Variants in PTPRT observed in about 807,000 individuals in gnomAD.
PTPRT encodes protein tyrosine phosphatase receptor type T, also known as receptor-type tyrosine-protein phosphatase T.
A neutral mutation model predicts 176.8 loss-of-function variants in PTPRT; 56 were observed. The observed-to-expected ratio is 0.32, with a 90% confidence interval of 0.26 to 0.40. The LOEUF is 0.40. PTPRT is among the 10% of genes least tolerant of loss of function. The pLI, the probability that PTPRT is intolerant of heterozygous loss-of-function variation, is 1.00. For synonymous variants in PTPRT, 783 were observed against 739.0 expected (o/e 1.06, Z -0.96); for missense variants, 1,540 against 1,908.2 (o/e 0.81, Z 3.60).
At chr20:42,088,498 G>C (rs534744749) in intron 27 of PTPRT, among the ~76,000 whole-genome samples, 30 of 149,682 alleles carry the variant, frequency 2.0e-4, no homozygotes, top group African/African-American at 7.2e-4. Context: ...GAGCAGGAAG[G>C]ATGTAGGAGA....
chr20:42,534,615 G>A lies in PTPRT; in HGVS notation c.1154-62053C>T, dbSNP rs541434878. 3.9e-5 allele frequency among the ~76,000 whole-genome samples: 6 copies of A among 152,184 alleles called. No homozygotes were observed. The South Asian group carries it at 1.2e-3, about 32-fold the overall frequency. On this transcript the variant is annotated intron_variant, in intron 7 of 30. Coordinates refer to ENST00000373187, the MANE Select transcript of PTPRT (RefSeq NM_007050.6). The stretch of plus-strand genomic sequence containing the variant: ...CACGCCACTGCACTCCAGCCTGGGC[G>A]ACAGAGCGAGACTCCATCTCAAAAA...
chr20:42,178,161 C>A (rs1990371637), intron 16 of PTPRT, among the ~76,000 whole-genome samples: 2 of 152,116 alleles, frequency 1.3e-5, no homozygotes, highest in African/African-American at 4.8e-5. Flanking sequence ...TGTTCTCGAA[C>A]TCCTGACCTT....
rs200498472 is a variant in PTPRT, at chr20:42,084,642, C to T, written c.4136+40G>A. 21 of 1,377,262 alleles carry T rather than the reference C, an allele frequency of 1.5e-5. No homozygotes were observed. In the East Asian group the frequency reaches 4.8e-4, roughly 31 times the overall value. 85.3% of individuals were successfully genotyped at this position (1,377,262 alleles called of 1,614,324 possible). On this transcript the variant is annotated intron_variant, in intron 29 of 30. Transcript: ENST00000373187. ...GCATCTGCAAGGATGCTCTATCACC[C>T]ACCACCCTATTGCCCTGGTGACACC...
At chr20:42,092,313 G>C (rs2425470) in intron 27 of PTPRT, among the ~76,000 whole-genome samples, 1 of 152,058 alleles carries the variant, frequency 6.6e-6, no homozygotes. Flanking sequence ...AACATGAGAA[G>C]ACAACCCCCT....
chr20:42,885,163 ATATAT>A (rs1451241331), intron 2 of PTPRT, among the ~76,000 whole-genome samples: 13 of 144,924 alleles, frequency 9.0e-5, no homozygotes, highest in Non-Finnish European at 1.4e-4. Context: ...TATAATAATA[ATATAT>A]TATATAATAA....
chr20:42,124,961 A>C (rs1987780894), intron 19 of PTPRT, among the ~76,000 whole-genome samples: 1 of 151,948 alleles, frequency 6.6e-6, no homozygotes, highest in African/African-American at 2.4e-5. Flanking sequence ...AAAAGCAGGA[A>C]CTCAGAGGCC....
At chr20:42,288,440 A>G (rs900912900) in intron 12 of PTPRT, among the ~76,000 whole-genome samples, 1 of 151,948 alleles carries the variant, frequency 6.6e-6, no homozygotes, top group Non-Finnish European at 1.5e-5. Flanking sequence ...TAGGGCTTCT[A>G]TTGAACCCAT....
intron 7 of PTPRT, among the ~76,000 whole-genome samples, chr20:42,547,177 C>T (rs937457140): frequency 2.0e-5 from 3 of 152,126 alleles, no homozygotes; most frequent in Non-Finnish European, 4.4e-5. Flanking sequence ...AGAACTCTAA[C>T]ACTTATTTAG....
intron 13 of PTPRT, among the ~76,000 whole-genome samples, chr20:42,281,736 A>G (rs2057142302): frequency 6.6e-6 from 1 of 152,182 alleles, no homozygotes; most frequent in East Asian, 1.9e-4. Context: ...ACAGAGTAGA[A>G]TTGCCCAGTT....
At chr20:43,071,781 A>T (rs188941573) in intron 1 of PTPRT, among the ~76,000 whole-genome samples, 2 of 152,200 alleles carry the variant, frequency 1.3e-5, no homozygotes, top group African/African-American at 4.8e-5. Context: ...GCAAAACTCC[A>T]TCTCAAATAA....
At chr20:42,980,407 C>T (rs981031015) in intron 1 of PTPRT, among the ~76,000 whole-genome samples, 21 of 152,190 alleles carry the variant, frequency 1.4e-4, no homozygotes, top group African/African-American at 5.1e-4. Flanking sequence ...ATTCGTGACC[C>T]CTTCTTGCTC....
intron 7 of PTPRT, among the ~76,000 whole-genome samples, chr20:42,657,832 T>G (rs756273388): frequency 7.9e-5 from 12 of 152,162 alleles, no homozygotes; most frequent in African/African-American, 2.4e-4. Flanking sequence ...TACCTTTGAA[T>G]TTTCCTCTGT....
intron 16 of PTPRT, among the ~76,000 whole-genome samples, chr20:42,173,239 G>A (rs1990150864): frequency 6.6e-6 from 1 of 152,148 alleles, no homozygotes; most frequent in Non-Finnish European, 1.5e-5. Context: ...AAGAGCTGAG[G>A]CAGAGTTAGG....
At chr20:43,090,452 T>C (rs190332344) in intron 1 of PTPRT, among the ~76,000 whole-genome samples, 25 of 152,164 alleles carry the variant, frequency 1.6e-4, no homozygotes, top group Admixed American at 1.2e-3. Context: ...GTATTTTTAG[T>C]AGAGACAGGG....
chr20:42,771,795 T>C (rs2077067302), intron 4 of PTPRT, among the ~76,000 whole-genome samples: 1 of 152,104 alleles, frequency 6.6e-6, no homozygotes, highest in African/African-American at 2.4e-5. Flanking sequence ...ATTTCACAGA[T>C]CAGAAAATTA....
At chr20:42,648,730 T>C (rs531837460) in intron 7 of PTPRT, among the ~76,000 whole-genome samples, 55 of 151,848 alleles carry the variant, frequency 3.6e-4, no homozygotes, top group African/African-American at 1.0e-3. Flanking sequence ...GGGCACATCC[T>C]GTATCAGTCC....
At chr20:42,199,973 T>C (rs1991385194) in intron 15 of PTPRT, among the ~76,000 whole-genome samples, 1 of 152,030 alleles carries the variant, frequency 6.6e-6, no homozygotes, top group Non-Finnish European at 1.5e-5. Flanking sequence ...GATATTATCA[T>C]AATATAACTA....
At chr20:42,902,821 T>C (rs2079423822) in intron 1 of PTPRT, among the ~76,000 whole-genome samples, 1 of 152,198 alleles carries the variant, frequency 6.6e-6, no homozygotes, top group Non-Finnish European at 1.5e-5. Context: ...TATGATAATG[T>C]CTCTTGCATG....
intron 14 of PTPRT, among the ~76,000 whole-genome samples, chr20:42,237,817 T>C (rs1370554369): frequency 6.6e-6 from 1 of 152,246 alleles, no homozygotes; most frequent in Non-Finnish European, 1.5e-5. Context: ...CATTTATAGA[T>C]TGAGAAAAAT....
Sources: gnomAD v4.1 joint callset for allele counts (sites outside exome capture counted in the v4.1 genomes callset) on GRCh38, gnomAD v4.1.1 for gene constraint, MANE v1.5 for transcripts, NCBI Gene and HGNC (gene_info 2026-07-23, HGNC 2026-07-21) for gene names.